The following LEPROT variants were observed in gnomAD, a reference collection of about 807,000 sequenced individuals.
The protein encoded by LEPROT is leptin receptor overlapping transcript.
Under a neutral mutation model 15.4 loss-of-function variants are expected in LEPROT, and 3 were observed. The ratio of observed to expected loss-of-function variants is 0.19; its 90% confidence interval spans 0.09 to 0.50. LEPROT has a LOEUF of 0.50. Ranked by LOEUF, LEPROT falls within the 20% of genes least tolerant of loss-of-function variation. The pLI, the probability that LEPROT is intolerant of heterozygous loss-of-function variation, is 0.97. For synonymous variants in LEPROT, 59 were observed against 57.5 expected (o/e 1.03, Z -0.12); for missense variants, 137 against 162.2 (o/e 0.84, Z 0.84).
intron 1 of LEPROT, among the ~76,000 whole-genome samples, chr1:65,424,219 A>G (rs573335125): frequency 6.6e-6 from 1 of 152,374 alleles, no homozygotes; most frequent in South Asian, 2.1e-4. Flanking sequence ...CAGGGAATAC[A>G]TATTTTATTC....
chr1:65,431,852 T>G lies in LEPROT; in HGVS notation c.329T>G (p.Phe110Cys), dbSNP rs1570436020. The change falls in exon 4 of 4, where the codon TTC becomes TGC. Residue 110 changes from phenylalanine to cysteine, a missense_variant. Transcript: ENST00000371065. ...GLVLAGNAVI[F>C]LTIQGFFLIF... The stretch of plus-strand genomic sequence containing the variant: ...GTGTTGGCAGGCAATGCAGTCATTT[T>G]CCTTACAATTCAAGGGTTTTTCCTT... 1 of 1,614,132 alleles carries G rather than the reference T, an allele frequency of 6.2e-7. No homozygotes were observed. The highest frequency in any genetic ancestry group is 8.5e-7 in the Non-Finnish European group (1 of 1,179,968).
rs1646491651 is a variant in LEPROT, at chr1:65,431,966, A to G, written c.*47A>G. ...CATTGAATTTCTTAGAACTCATACT[A>G]TCTGTATACATGTGCACATGCGGCA... On this transcript the variant is annotated 3_prime_UTR_variant, in exon 4 of 4. Coordinates refer to ENST00000371065, the MANE Select transcript of LEPROT (RefSeq NM_017526.5). 1 of 1,594,734 alleles carries G rather than the reference A, an allele frequency of 6.3e-7. No individual in the cohort carries two copies. The highest frequency in any genetic ancestry group is 8.5e-7 in the Non-Finnish European group (1 of 1,173,398).
chr1:65,426,850 T>G (rs768979959), intron 2 of LEPROT, among the ~76,000 whole-genome samples: 30 of 152,012 alleles, frequency 2.0e-4, no homozygotes, highest in Non-Finnish European at 3.8e-4. Context: ...TACAAAAAAT[T>G]AGCTGGGCGT....
intron 1 of LEPROT, chr1:65,421,548 C>A (rs1646251181): frequency 2.8e-6 from 4 of 1,424,096 alleles, no homozygotes; most frequent in Non-Finnish European, 3.8e-6. Flanking sequence ...AAATTTGCAC[C>A]CAAAGATATC....
At position 65,432,186 on chromosome 1, in the gene LEPROT, G is replaced by T; in HGVS notation, c.*267G>T. The T allele has an allele frequency of 9.0e-7, 1 of 1,110,972 alleles. No homozygotes were observed. The highest frequency in any genetic ancestry group is 2.7e-5 in the South Asian group (1 of 36,900). 68.8% of individuals were successfully genotyped at this position (1,110,972 alleles called of 1,614,324 possible). On this transcript the variant is annotated 3_prime_UTR_variant, in exon 4 of 4. Transcript: ENST00000371065. ...CGGTGCTCTCAGAAAATATATTAAC[G>T]CAGTCTTGTAGGCAGCTGCCACCTT...
At chr1:65,426,980 G>A (rs934286362) in intron 2 of LEPROT, among the ~76,000 whole-genome samples, 1 of 147,270 alleles carries the variant, frequency 6.8e-6, no homozygotes, top group African/African-American at 2.5e-5. Context: ...CCTGGCGACA[G>A]AGCAAGACTT....
chr1:65,421,449 C>T, intron 1 of LEPROT: 1 of 1,535,992 alleles, frequency 6.5e-7, no homozygotes, highest in Non-Finnish European at 8.7e-7. Context: ...TGCAAGGCTT[C>T]CTGTATTTTG....
In LEPROT at chr1:65,429,936, C is replaced by T. The variant is rs1244938468; in HGVS notation, c.167C>T (p.Thr56Ile). ...CCCCATTTCATTGCCAAAAGAGTCACCTATGACTCAGATGCAACCAGTAGT... is the reference window on the plus strand; with the variant it reads ...CCCCATTTCATTGCCAAAAGAGTCATCTATGACTCAGATGCAACCAGTAGT... ...PIPHFIAKRVTYDSDATSSAC... is the reference protein window; with the variant it reads ...PIPHFIAKRVIYDSDATSSAC... The change falls in exon 3 of 4, where the codon ACC becomes ATC. Residue 56 changes from threonine (T) to isoleucine (I), a missense_variant. Thr to Ile is a moderately conservative substitution (Grantham distance 89). Transcript: ENST00000371065. 2 of 1,568,556 alleles carry T rather than the reference C, an allele frequency of 1.3e-6. No individual in the cohort carries two copies. Among genetic ancestry groups the T allele is most frequent in the South Asian group, 1.2e-5 (1 of 86,394 alleles).
intron 1 of LEPROT, among the ~76,000 whole-genome samples, chr1:65,423,447 A>AAG (rs1217833670): frequency 6.6e-6 from 1 of 152,150 alleles, no homozygotes; most frequent in African/African-American, 2.4e-5. Flanking sequence ...GAACAGAAGG[A>AAG]AGAGGTCTGC....
rs1646523969 is a variant in LEPROT at position 65,434,019 on chromosome 1, T to C, written c.*2100T>C. On this transcript the variant is annotated 3_prime_UTR_variant, in exon 4 of 4. Transcript: ENST00000371065. ...CAATAATGATTCATTTCTACTACAT[T>C]TTGCAAAAGTGTTTTTGTTGCTTAT... 1.0e-6 allele frequency: 1 copy of C among 985,382 alleles called. No homozygotes were observed. Among genetic ancestry groups the C allele is most frequent in the South Asian group, 4.7e-5 (1 of 21,288 alleles). 61.0% of individuals were successfully genotyped at this position (985,382 alleles called of 1,614,324 possible).
At position 65,435,007 on chromosome 1, in the gene LEPROT, G is replaced by T. The variant is rs55655800; in HGVS notation, c.*3088G>T. On this transcript the variant is annotated 3_prime_UTR_variant, in exon 4 of 4. Coordinates refer to ENST00000371065, the MANE Select transcript of LEPROT (RefSeq NM_017526.5). Reference sequence around the variant, plus strand: ...CCATTCCCATGACTGCTGCACCTGCGTTTTTAGAGAATGCCTCATAACCCA... The same window carrying T: ...CCATTCCCATGACTGCTGCACCTGCTTTTTTAGAGAATGCCTCATAACCCA... 62,011 of 985,304 alleles carry T rather than the reference G, an allele frequency of 0.063. 2,339 individuals carry two copies. The highest frequency in any genetic ancestry group is 0.16 in the African/African-American group (9,290 of 57,296). 61.0% of individuals were successfully genotyped at this position (985,304 alleles called of 1,614,324 possible).
intron 3 of LEPROT, 127 bp downstream of exon 3, chr1:65,430,175 C>T (rs1187463241): frequency 1.0e-5 from 8 of 800,694 alleles, no homozygotes; most frequent in South Asian, 3.4e-5. Context: ...TTTAGTTTCT[C>T]TGTTCCTCTA....
Position 65,435,524 on chromosome 1 carries a change from C to A in LEPROT, c.*3605C>A, listed in dbSNP as rs941267776. 1 of 396,106 alleles carries A rather than the reference C, an allele frequency of 2.5e-6. No individual in the cohort carries two copies. Among genetic ancestry groups the A allele is most frequent in the Non-Finnish European group, 3.4e-6 (1 of 291,684 alleles). The allele number at this position is 396,106 out of a possible 1,614,324, so 24.5% of individuals were successfully genotyped here. On this transcript the variant is annotated 3_prime_UTR_variant, in exon 4 of 4. Transcript: ENST00000371065. ...CTGGGACTACAGGCTCCCGCCACCA[C>A]GCCTGGCTAATTTTTTTGTATTTTT...
intron 2 of LEPROT, among the ~76,000 whole-genome samples, chr1:65,429,208 A>G (rs1193750670): frequency 6.6e-6 from 1 of 152,118 alleles, no homozygotes; most frequent in East Asian, 1.9e-4. Flanking sequence ...GTCAGTTTAG[A>G]TCACATGGTA....
rs371850288 is a variant in LEPROT at position 65,425,296 on chromosome 1, T to C, written c.17-7T>C. On this transcript the variant is annotated splice_region_variant and splice_polypyrimidine_tract_variant and intron_variant, in intron 1 of 3. Coordinates refer to ENST00000371065, the MANE Select transcript of LEPROT (RefSeq NM_017526.5). ...GGAACTTTAACTTTTGGCTTTATTT[T>C]TCACAGCTCTCGTGGCATTATCCTT... 1.2e-6 allele frequency: 2 copies of C among 1,612,306 alleles called. No individual in the cohort carries two copies. Among genetic ancestry groups the C allele is most frequent in the Non-Finnish European group, 1.7e-6 (2 of 1,179,592 alleles).
At chr1:65,420,862 C>G (rs1646232542) in intron 1 of LEPROT, 122 bp downstream of exon 1, 1 of 1,261,604 alleles carries the variant, frequency 7.9e-7, no homozygotes, top group African/African-American at 1.5e-5. Context: ...TCCCGCCTCT[C>G]CGGTTCGGGA....
At position 65,435,771 on chromosome 1, in the gene LEPROT, A is replaced by G; in HGVS notation, c.*3852A>G. ...TTCCAAGCATAGTAATTAGTTCACA[A>G]CTGAGAAATATTATGTCTGTAGTAG... On this transcript the variant is annotated 3_prime_UTR_variant, in exon 4 of 4. Transcript: ENST00000371065. 1.0e-6 allele frequency: 1 copy of G among 981,402 alleles called. No homozygotes were observed. Among genetic ancestry groups the G allele is most frequent in the Non-Finnish European group, 1.2e-6 (1 of 826,274 alleles). 60.8% of individuals were successfully genotyped at this position (981,402 alleles called of 1,614,324 possible).
At position 65,435,188 on chromosome 1, in the gene LEPROT, C is replaced by T; in HGVS notation, c.*3269C>T. 1.0e-6 allele frequency: 1 copy of T among 985,368 alleles called. No homozygotes were observed. Among genetic ancestry groups the T allele is most frequent in the Non-Finnish European group, 1.2e-6 (1 of 829,934 alleles). The allele number at this position is 985,368 out of a possible 1,614,324, so 61.0% of individuals were successfully genotyped here. A position where few individuals can be genotyped will look rare whatever the true frequency, so the allele number is the denominator to read the frequency against. ...CTGGTCCTGCTTTTCATAGTTGTTTCTTTTCTTCCACTTAAGAACTCATAG... is the reference window on the plus strand; with the variant it reads ...CTGGTCCTGCTTTTCATAGTTGTTTTTTTTCTTCCACTTAAGAACTCATAG... On this transcript the variant is annotated 3_prime_UTR_variant, in exon 4 of 4. Transcript: ENST00000371065.
In LEPROT at chr1:65,431,826, T is replaced by C. The variant is rs756593166; in HGVS notation, c.303T>C (p.Leu101=). Residue 101 remains leucine, a synonymous_variant, in exon 4 of 4, where the codon CTT becomes CTC. Transcript: ENST00000371065. ...VAVIKWGACG[L]VLAGNAVIFL... The stretch of plus-strand genomic sequence containing the variant: ...AGATCAAATGGGGAGCCTGCGGCCT[T>C]GTGTTGGCAGGCAATGCAGTCATTT... 19 of 1,613,706 alleles carry C rather than the reference T, an allele frequency of 1.2e-5. No individual in the cohort carries two copies. In the African/African-American group the frequency reaches 2.5e-4, roughly 22 times the overall value.
Sources: allele counts gnomAD v4.1 joint callset (sites outside exome capture counted in the v4.1 genomes callset), GRCh38; gene constraint gnomAD v4.1.1; transcripts MANE v1.5; gene names NCBI Gene and HGNC (gene_info 2026-07-23, HGNC 2026-07-21).